Variants in LRMDA observed in about 807,000 individuals in gnomAD.
The protein encoded by LRMDA is leucine rich melanocyte differentiation associated, also known as leucine-rich melanocyte differentiation-associated protein.
Under a neutral mutation model 29.8 loss-of-function variants are expected in LRMDA, and 18 were observed. The ratio of observed to expected loss-of-function variants is 0.60; its 90% CI spans 0.42 to 0.90. LRMDA has a LOEUF of 0.90. Among genes scored for constraint, LRMDA ranks in the 40% least tolerant of loss-of-function variants. The pLI is 0.00. For synonymous variants in LRMDA, 125 were observed against 109.4 expected, an observed-to-expected ratio of 1.14 and a Z score of -0.89; for missense variants, 273 against 273.9, an observed-to-expected ratio of 1.00 and a Z score of 0.02.
chr10:75,809,104 C>T (rs1300185650), intron 2 of LRMDA, among the ~76,000 whole-genome samples: 1 of 152,094 alleles, frequency 6.6e-6, no homozygotes, highest in African/African-American at 2.4e-5. Context: ...TGTTCCAGCT[C>T]CCCCACCACC....
intron 6 of LRMDA, among the ~76,000 whole-genome samples, chr10:76,471,447 TAAAG>T (rs969045473): frequency 1.3e-5 from 2 of 151,544 alleles, no homozygotes; most frequent in African/African-American, 4.8e-5. Flanking sequence ...GAAAAATTAT[TAAAG>T]AAATTATATT....
intron 1 of LRMDA, among the ~76,000 whole-genome samples, chr10:75,437,424 T>C (rs1844274593): frequency 6.6e-6 from 1 of 152,196 alleles, no homozygotes; most frequent in African/African-American, 2.4e-5. Flanking sequence ...TGTCTTGGGC[T>C]TGAATTTCAA....
chr10:76,478,282 C>A (rs1407236506), intron 6 of LRMDA, among the ~76,000 whole-genome samples: 1 of 152,114 alleles, frequency 6.6e-6, no homozygotes, highest in Non-Finnish European at 1.5e-5. Flanking sequence ...ATGCAGCCAA[C>A]AGACACGTGA....
chr10:76,066,195 C>A (rs1848782615), intron 5 of LRMDA, among the ~76,000 whole-genome samples: 1 of 152,172 alleles, frequency 6.6e-6, no homozygotes, highest in South Asian at 2.1e-4. Context: ...GCCACAGCAC[C>A]AACTACTGTA....
At chr10:76,544,047 C>T (rs1206466809) in intron 6 of LRMDA, among the ~76,000 whole-genome samples, 1 of 152,178 alleles carries the variant, frequency 6.6e-6, no homozygotes, top group Non-Finnish European at 1.5e-5. Flanking sequence ...CCTGAACTCA[C>T]CACTGGTGCT....
chr10:75,594,060 A>G (rs1840756203), intron 2 of LRMDA, among the ~76,000 whole-genome samples: 2 of 152,178 alleles, frequency 1.3e-5, no homozygotes, highest in African/African-American at 2.4e-5. Context: ...TTGTCCCAGT[A>G]AATGTAGACA....
intron 6 of LRMDA, among the ~76,000 whole-genome samples, chr10:76,427,116 A>G (rs1251061912): frequency 6.6e-6 from 1 of 152,170 alleles, no homozygotes; most frequent in Non-Finnish European, 1.5e-5. Context: ...TGAACTTTAA[A>G]GTAGTTTTTT....
At chr10:75,495,146 G>C (rs1485673782) in intron 2 of LRMDA, among the ~76,000 whole-genome samples, 1 of 152,124 alleles carries the variant, frequency 6.6e-6, no homozygotes, top group East Asian at 1.9e-4. Context: ...TTTCCTGAGG[G>C]AGAAGGGGAG....
chr10:75,904,596 T>C lies in LRMDA; in HGVS notation c.132-131412T>C, dbSNP rs1176526201. 2.6e-5 allele frequency among the ~76,000 whole-genome samples: 4 copies of C among 152,286 alleles called. No homozygotes were observed. The East Asian group carries it at 7.7e-4, about 29-fold the overall frequency. ...CCACACTAAAGAGGACAGTTTTTCTTCTCCAGGACATTGAAAATGTCACAG... is the reference window on the plus strand; with the variant it reads ...CCACACTAAAGAGGACAGTTTTTCTCCTCCAGGACATTGAAAATGTCACAG... On this transcript the variant is annotated intron_variant, in intron 2 of 6. Coordinates refer to ENST00000611255, the MANE Select transcript of LRMDA (RefSeq NM_001305581.2).
rs1239092135 is a variant in LRMDA at position 76,497,796 on chromosome 10, C to A, written c.602-59413C>A. On this transcript the variant is annotated intron_variant, in intron 6 of 6. Transcript: ENST00000611255. ...TTGACAAATCTGACAGCTGGAGCAG[C>A]AGTCACCTCATCATATCTCTCAGTT... Among the ~76,000 whole-genome samples the A allele has an allele frequency of 2.6e-5, 2 of 75,552 alleles. 1 individual carries two copies. The highest frequency in any genetic ancestry group is 5.1e-4 in the East Asian group (2 of 3,956). The allele number at this position is 75,552 out of a possible 152,430, so 49.6% of individuals were successfully genotyped here.
intron 5 of LRMDA, among the ~76,000 whole-genome samples, chr10:76,155,462 T>C (rs1382329116): frequency 6.6e-6 from 1 of 152,114 alleles, no homozygotes; most frequent in Non-Finnish European, 1.5e-5. Flanking sequence ...GTCACTTACC[T>C]GGAAGCTGTT....
chr10:76,530,506 G>A (rs960252901), intron 6 of LRMDA, among the ~76,000 whole-genome samples: 1 of 152,130 alleles, frequency 6.6e-6, no homozygotes, highest in South Asian at 2.1e-4. Context: ...TAAAAATCAA[G>A]TGATGAGAAT....
chr10:75,639,451 G>A (rs185616076), intron 2 of LRMDA, among the ~76,000 whole-genome samples: 1 of 152,280 alleles, frequency 6.6e-6, no homozygotes, highest in Non-Finnish European at 1.5e-5. Flanking sequence ...TTCTTTTGGG[G>A]TCTCTGGAAG....
intron 5 of LRMDA, among the ~76,000 whole-genome samples, chr10:76,170,333 G>C (rs1174095949): frequency 6.6e-6 from 1 of 152,180 alleles, no homozygotes; most frequent in Non-Finnish European, 1.5e-5. Flanking sequence ...ATAGGTATAT[G>C]GTGAAGTCTG....
chr10:75,885,002 T>G (rs1351749802), intron 2 of LRMDA, among the ~76,000 whole-genome samples: 1 of 151,456 alleles, frequency 6.6e-6, no homozygotes, highest in Admixed American at 6.6e-5. Flanking sequence ...GCACTGCAGT[T>G]CAGGAGGCCT....
At chr10:76,225,045 A>G (rs1193016036) in intron 5 of LRMDA, among the ~76,000 whole-genome samples, 1 of 152,038 alleles carries the variant, frequency 6.6e-6, no homozygotes, top group Non-Finnish European at 1.5e-5. Context: ...AACGTTTAAC[A>G]CATTTATTGA....
intron 5 of LRMDA, among the ~76,000 whole-genome samples, chr10:76,127,142 C>T (rs1392324447): frequency 6.6e-6 from 1 of 152,198 alleles, no homozygotes; most frequent in African/African-American, 2.4e-5. Context: ...TGCCTAGCCA[C>T]TGTGGCTTGT....
intron 2 of LRMDA, among the ~76,000 whole-genome samples, chr10:76,000,277 G>T (rs1847539339): frequency 6.6e-6 from 1 of 152,170 alleles, no homozygotes; most frequent in Admixed American, 6.5e-5. Flanking sequence ...ACCTCCATCT[G>T]CAAGTCCTCT....
chr10:75,897,281 G>A (rs1845599713), intron 2 of LRMDA, among the ~76,000 whole-genome samples: 1 of 152,174 alleles, frequency 6.6e-6, no homozygotes, highest in African/African-American at 2.4e-5. Context: ...TTAAGTTCAA[G>A]AGTTTGATTT....
Sources: gnomAD v4.1 joint callset for allele counts (sites outside exome capture counted in the v4.1 genomes callset) on GRCh38, gnomAD v4.1.1 for gene constraint, MANE v1.5 for transcripts, NCBI Gene and HGNC (gene_info 2026-07-23, HGNC 2026-07-21) for gene names.